The following ASCC2 variants were observed in gnomAD, a reference collection of about 807,000 sequenced individuals.
ASCC2 encodes ASC-1 complex subunit P100.
A neutral mutation model predicts 93.5 loss-of-function variants in ASCC2; 42 were observed. The observed-to-expected ratio is 0.45, with a 90% CI of 0.35 to 0.58. The LOEUF (loss-of-function observed/expected upper bound fraction) is 0.58. Ranked by LOEUF, ASCC2 falls within the 20% of genes least tolerant of loss-of-function variation. ASCC2 has a pLI of 0.00. For missense variants in ASCC2, 859 were observed against 977.6 expected (o/e 0.88, Z 1.62); for synonymous variants, 364 against 384.2 (o/e 0.95, Z 0.62).
chr22:29,822,645 AATCT>A (rs1297909793), intron 4 of ASCC2, among the ~76,000 whole-genome samples, 181 bp from the exon 5 acceptor site: 1 of 145,684 alleles, frequency 6.9e-6, no homozygotes, highest in Non-Finnish European at 1.5e-5. Context: ...TTTAAATGTT[AATCT>A]ATCTATGTTT....
chr22:29,806,224 T>C lies in ASCC2; in HGVS notation c.1152A>G (p.Ser384=), dbSNP rs149893249. 4.1e-4 allele frequency: 660 copies of C among 1,614,024 alleles called. No individual in the cohort carries two copies. Among genetic ancestry groups the C allele is most frequent in the Non-Finnish European group, 5.3e-4 (624 of 1,180,006 alleles). ...AEDISLLQQA[S]SVLDETRTAY... ...CTATGGTAGAAGGATACAAGACTGA[T>C]GAGGCCTGCTGCAGCAAGCTGATGT... Residue 384 remains serine, a synonymous_variant, in exon 12 of 20, where the codon TCA becomes TCG. Coordinates refer to ENST00000307790, the MANE Select transcript of ASCC2 (RefSeq NM_032204.5).
intron 4 of ASCC2, 134 bp from the exon 5 acceptor site, chr22:29,822,598 A>T: frequency 1.1e-6 from 1 of 898,820 alleles, no homozygotes; most frequent in Non-Finnish European, 1.6e-6. Context: ...ATAGACCTGG[A>T]GCAATGGCCA....
chr22:29,827,050 A>G (rs1232604150), intron 2 of ASCC2, among the ~76,000 whole-genome samples: 1 of 145,528 alleles, frequency 6.9e-6, no homozygotes, highest in African/African-American at 2.6e-5. Flanking sequence ...GTGAACCGAG[A>G]TCACGCCACT....
intron 18 of ASCC2, among the ~76,000 whole-genome samples, chr22:29,790,791 G>A (rs114090056): frequency 1.4e-3 from 218 of 152,324 alleles, no homozygotes; most frequent in African/African-American, 5.2e-3. Context: ...GAGGCTTCCT[G>A]GACAGGCTGG....
chr22:29,806,610 C>T, intron 10 of ASCC2, 57 bp from the exon 11 acceptor site: 2 of 1,538,488 alleles, frequency 1.3e-6, no homozygotes, highest in Non-Finnish European at 1.8e-6. Context: ...GCTGCAGCTC[C>T]TTTACACACC....
Position 29,804,840 on chromosome 22 carries a change from C to G in ASCC2, c.1161-10G>C. The G allele has an allele frequency of 1.2e-6, 2 of 1,612,542 alleles. No homozygotes were observed. Among genetic ancestry groups the G allele is most frequent in the South Asian group, 2.2e-5 (2 of 91,022 alleles). On this transcript the variant is annotated splice_polypyrimidine_tract_variant and intron_variant, in intron 12 of 19. Transcript: ENST00000307790. The stretch of plus-strand genomic sequence containing the variant: ...AGTCCGCGTCTCGTCCCTGTGAGGA[C>G]TTGTTAAGGGGTCTGTCTTAAGCTC...
chr22:29,803,643 A>G (rs2059353833), intron 13 of ASCC2, among the ~76,000 whole-genome samples: 1 of 152,186 alleles, frequency 6.6e-6, no homozygotes, highest in African/African-American at 2.4e-5. Flanking sequence ...CTTTAATTAC[A>G]ATCTCTTTTT....
chr22:29,809,121 C>CAAAAAAA (rs1316093434), intron 8 of ASCC2, among the ~76,000 whole-genome samples: 1 of 41,000 alleles, frequency 2.4e-5, no homozygotes, highest in Non-Finnish European at 5.6e-5. Flanking sequence ...GACTCTGTCT[C>CAAAAAAA]AAAAAAAAAA....
Position 29,800,933 on chromosome 22 carries a change from T to A in ASCC2, c.1688+58A>T. On this transcript the variant is annotated intron_variant, in intron 15 of 19. Transcript: ENST00000307790. ...GAAGATGGAGCCCTTGGTTTCCCTG[T>A]GTCCTCTCTGCACTTCCAGAGTTGG... 3 of 1,529,160 alleles carry A rather than the reference T, an allele frequency of 2.0e-6. No individual in the cohort carries two copies. In the Admixed American group the frequency reaches 5.8e-5, roughly 30 times the overall value. The allele number at this position is 1,529,160 out of a possible 1,614,324, so 94.7% of individuals were successfully genotyped here.
intron 2 of ASCC2, among the ~76,000 whole-genome samples, chr22:29,830,375 T>C (rs2062979313): frequency 6.6e-6 from 1 of 152,228 alleles, no homozygotes; most frequent in Non-Finnish European, 1.5e-5. Flanking sequence ...TGCTATACTG[T>C]TGCCACCTCA....
chr22:29,830,797 A>G (rs1351368902), intron 2 of ASCC2, among the ~76,000 whole-genome samples: 1 of 152,200 alleles, frequency 6.6e-6, no homozygotes, highest in African/African-American at 2.4e-5. Flanking sequence ...TCCCTGACTC[A>G]TGTACCAAAT....
At position 29,825,523 on chromosome 22, in the gene ASCC2, G is replaced by T; in HGVS notation, c.240+99C>A. The T allele has an allele frequency of 6.5e-7, 1 of 1,532,600 alleles. No homozygotes were observed. Among genetic ancestry groups the T allele is most frequent in the South Asian group, 1.1e-5 (1 of 88,040 alleles). The allele number at this position is 1,532,600 out of a possible 1,614,324, so 94.9% of individuals were successfully genotyped here. A position where few individuals can be genotyped will look rare whatever the true frequency, so the allele number is the denominator to read the frequency against. On this transcript the variant is annotated intron_variant, in intron 3 of 19. Coordinates refer to ENST00000307790, the MANE Select transcript of ASCC2 (RefSeq NM_032204.5). This position sits in a 1 kb window ranked among gnomAD's most constrained non-coding sequence, Gnocchi z 4.9. ...TGTTAAGGATCCAGTGAAAGAAGTAGACAAAAAAGCACCTCCTAGGGGAAG... is the reference window on the plus strand; with the variant it reads ...TGTTAAGGATCCAGTGAAAGAAGTATACAAAAAAGCACCTCCTAGGGGAAG...
chr22:29,814,377 A>G (rs569616097), intron 7 of ASCC2, among the ~76,000 whole-genome samples: 1 of 152,382 alleles, frequency 6.6e-6, no homozygotes, highest in South Asian at 2.1e-4. Context: ...GCACAAGTGA[A>G]CATGTCAAAC....
intron 7 of ASCC2, 49 bp from the exon 8 acceptor site, chr22:29,813,591 A>T (rs2060515683): frequency 8.2e-7 from 1 of 1,212,836 alleles, no homozygotes; most frequent in Middle Eastern, 1.9e-4. Flanking sequence ...CCACACATAC[A>T]GATCTGCAGA....
chr22:29,801,920 G>T, intron 14 of ASCC2, 74 bp downstream of exon 14: 1 of 1,251,702 alleles, frequency 8.0e-7, no homozygotes, highest in East Asian at 2.5e-5. Context: ...ATGAATGAGG[G>T]AAGGAAGAGA....
chr22:29,806,092 C>G (rs2059640417), intron 12 of ASCC2, 124 bp downstream of exon 12: 6 of 1,056,870 alleles, frequency 5.7e-6, no homozygotes, highest in Non-Finnish European at 8.6e-6. Flanking sequence ...CCACCTCGGA[C>G]AGCTGGCTGA....
chr22:29,791,543 TG>T (rs752448263), intron 18 of ASCC2, among the ~76,000 whole-genome samples: 2 of 152,130 alleles, frequency 1.3e-5, no homozygotes, highest in Non-Finnish European at 2.9e-5. Flanking sequence ...TAGCCAGGCA[TG>T]GTGGCGAGCT....
Position 29,827,502 on chromosome 22 carries a change from T to A in ASCC2, c.82-1722A>T, listed in dbSNP as rs2062520322. ...GCGAGTTTCCAAACTGTAGAGCCTG[T>A]GGGTACCACAAGGATTCTTCAAGGC... On this transcript the variant is annotated intron_variant, in intron 2 of 19. Coordinates refer to ENST00000307790, the MANE Select transcript of ASCC2 (RefSeq NM_032204.5). The A allele has an allele frequency of 8.7e-6, 4 of 461,744 alleles. No individual in the cohort carries two copies. In the Admixed American group the frequency reaches 9.8e-5, roughly 11 times the overall value. 28.6% of individuals were successfully genotyped at this position (461,744 alleles called of 1,614,324 possible). A position where few individuals can be genotyped will look rare whatever the true frequency, so the allele number is the denominator to read the frequency against.
chr22:29,792,654 A>G, intron 17 of ASCC2, 119 bp from the exon 18 acceptor site: 3 of 1,384,070 alleles, frequency 2.2e-6, no homozygotes, highest in Non-Finnish European at 3.0e-6. Context: ...GAGGTTGGGA[A>G]AAACCAAAAG....
Sources: gnomAD v4.1 joint callset for allele counts (sites outside exome capture counted in the v4.1 genomes callset) on GRCh38, gnomAD v4.1.1 for gene constraint, Gnocchi (gnomAD v3.1) non-coding constraint, MANE v1.5 for transcripts, NCBI Gene and HGNC (gene_info 2026-07-23, HGNC 2026-07-21) for gene names.